PTPRT: variants seen among roughly 807,000 people sequenced by gnomAD.
PTPRT encodes the protein protein tyrosine phosphatase receptor type T.
In PTPRT, 56 loss-of-function variants were observed where a neutral mutation model predicts 176.8. The ratio of observed to expected loss-of-function variants is 0.32; its 90% confidence interval spans 0.26 to 0.40. PTPRT has a LOEUF of 0.40. PTPRT is among the 10% of genes least tolerant of loss of function. The pLI is 1.00. For missense variants in PTPRT, 1,540 were observed against 1,908.2 expected (o/e 0.81, Z 3.60); for synonymous variants, 783 against 739.0 (o/e 1.06, Z -0.96).
chr20:42,055,437 G>A, the PTPRT span, among the ~76,000 whole-genome samples: 1 of 152,228 alleles, frequency 6.6e-6, no homozygotes, highest in Admixed American at 6.5e-5. Flanking sequence ...GAGTCTAGGG[G>A]AGGAGGCAAG....
intron 7 of PTPRT, among the ~76,000 whole-genome samples, chr20:42,596,582 G>A (rs79422884): frequency 0.057 from 8,714 of 152,202 alleles, 820 homozygotes; most frequent in African/African-American, 0.2. Flanking sequence ...GTTTGTAACA[G>A]AAAACCTAAT....
intron 15 of PTPRT, among the ~76,000 whole-genome samples, chr20:42,212,686 C>T (rs1057243335): frequency 5.8e-4 from 89 of 152,290 alleles, no homozygotes; most frequent in African/African-American, 2.1e-3. Context: ...CCCCGTCAGA[C>T]TGTTGGGAGG....
intron 1 of PTPRT, among the ~76,000 whole-genome samples, chr20:42,958,666 T>C (rs1332635887): frequency 1.3e-5 from 2 of 151,786 alleles, no homozygotes; most frequent in Non-Finnish European, 2.9e-5. Context: ...ACCCCTTTAC[T>C]AGGGGAACAC....
At chr20:42,418,093 T>G (rs576319564) in intron 9 of PTPRT, among the ~76,000 whole-genome samples, 1 of 152,240 alleles carries the variant, frequency 6.6e-6, no homozygotes, top group African/African-American at 2.4e-5. Context: ...AGTGAGCAAT[T>G]GAAGTATGAT....
intron 7 of PTPRT, among the ~76,000 whole-genome samples, chr20:42,476,631 T>C (rs1408654629): frequency 2.0e-5 from 3 of 152,200 alleles, no homozygotes; most frequent in Non-Finnish European, 4.4e-5. Context: ...AAATCTCAGT[T>C]TGTATTCCAA....
At chr20:42,086,492 C>T (rs191667788) in intron 27 of PTPRT, among the ~76,000 whole-genome samples, 167 of 151,810 alleles carry the variant, frequency 1.1e-3, no homozygotes, top group African/African-American at 3.8e-3. Flanking sequence ...CTCTAAGCCC[C>T]GCTGTCAGGA....
intron 9 of PTPRT, among the ~76,000 whole-genome samples, chr20:42,387,024 C>CT (rs555036098): frequency 1.2e-3 from 190 of 152,206 alleles, no homozygotes; most frequent in Non-Finnish European, 2.1e-3. Flanking sequence ...CTCTAAGTTC[C>CT]TTTTTTTGCT....
chr20:42,888,875 T>C (rs539990133), intron 1 of PTPRT, among the ~76,000 whole-genome samples: 2 of 152,306 alleles, frequency 1.3e-5, no homozygotes, highest in South Asian at 2.1e-4. Context: ...GAAGATGCAA[T>C]GGAAAATATG....
At chr20:42,206,108 T>A (rs2055453274) in intron 15 of PTPRT, among the ~76,000 whole-genome samples, 1 of 152,154 alleles carries the variant, frequency 6.6e-6, no homozygotes, top group African/African-American at 2.4e-5. Flanking sequence ...TTCTAGGGAT[T>A]TGCCCTTCCA....
At position 43,090,717 on chromosome 20, in the gene PTPRT, C is replaced by T. The variant is rs1027845001; in HGVS notation, c.88+98929G>A. On this transcript the variant is annotated intron_variant, in intron 1 of 30. Coordinates refer to ENST00000373187, the MANE Select transcript of PTPRT (RefSeq NM_007050.6). Reference sequence around the variant, plus strand: ...TAAAGAAATTTCCTAGAATATAGAGCGAGGAGAAATATTTAGAAAACATAG... The same window carrying T: ...TAAAGAAATTTCCTAGAATATAGAGTGAGGAGAAATATTTAGAAAACATAG... Among the ~76,000 whole-genome samples the T allele has an allele frequency of 2.4e-4, 36 of 151,596 alleles. No homozygotes were observed. In the East Asian group the frequency reaches 5.8e-3, roughly 25 times the overall value.
intron 12 of PTPRT, among the ~76,000 whole-genome samples, chr20:42,299,982 G>C (rs770725401): frequency 1.3e-5 from 2 of 151,758 alleles, no homozygotes; most frequent in Non-Finnish European, 2.9e-5. Flanking sequence ...TAAAGGCTGG[G>C]TGTGGCGGCT....
chr20:42,248,218 T>C (rs745789790), intron 14 of PTPRT, among the ~76,000 whole-genome samples: 15 of 152,088 alleles, frequency 9.9e-5, no homozygotes, highest in Non-Finnish European at 1.9e-4. Context: ...ACTCTATCTC[T>C]CATGGAGAGG....
chr20:42,166,923 GAA>G (rs796689949), intron 16 of PTPRT, among the ~76,000 whole-genome samples: 23 of 139,238 alleles, frequency 1.7e-4, no homozygotes, highest in Admixed American at 6.4e-4. Flanking sequence ...CTCCATCTTA[GAA>G]AAAAAAAAAA....
chr20:42,702,790 G>A (rs574519874), intron 6 of PTPRT, among the ~76,000 whole-genome samples: 38 of 152,336 alleles, frequency 2.5e-4, no homozygotes, highest in African/African-American at 9.1e-4. Flanking sequence ...CAGTGGCAGA[G>A]CTAGAACCAG....
At chr20:42,387,832 C>T (rs116106981) in intron 9 of PTPRT, among the ~76,000 whole-genome samples, 2,361 of 150,444 alleles carry the variant, frequency 0.016, 64 homozygotes, top group African/African-American at 0.056. Context: ...CGCCCTGTCG[C>T]CCAGACTGCA....
chr20:42,389,277 A>G (rs2058776397), intron 9 of PTPRT, among the ~76,000 whole-genome samples: 1 of 152,202 alleles, frequency 6.6e-6, no homozygotes, highest in South Asian at 2.1e-4. Flanking sequence ...AAGTATAAAA[A>G]AAAAAAGAAA....
At chr20:42,557,210 G>A (rs1278903277) in intron 7 of PTPRT, among the ~76,000 whole-genome samples, 2 of 151,998 alleles carry the variant, frequency 1.3e-5, no homozygotes, top group Non-Finnish European at 2.9e-5. Context: ...TTATTTAAAT[G>A]TATATTAAGT....
intron 7 of PTPRT, among the ~76,000 whole-genome samples, chr20:42,578,824 G>C (rs1360780858): frequency 6.7e-6 from 1 of 149,670 alleles, no homozygotes; most frequent in East Asian, 2.0e-4. Context: ...TCAGAACCCT[G>C]CAACAGCTTC....
intron 7 of PTPRT, among the ~76,000 whole-genome samples, chr20:42,584,311 CT>C (rs1413127931): frequency 6.6e-6 from 1 of 152,170 alleles, no homozygotes; most frequent in Non-Finnish European, 1.5e-5. Context: ...TTGATCTCAT[CT>C]TTGGCCTTCC....
Sources: gnomAD v4.1 joint callset for allele counts (sites outside exome capture counted in the v4.1 genomes callset) on GRCh38, gnomAD v4.1.1 for gene constraint, MANE v1.5 for transcripts, NCBI Gene and HGNC (gene_info 2026-07-23, HGNC 2026-07-21) for gene names.